The following ABCE1 variants were observed in gnomAD, a reference collection of about 807,000 sequenced individuals.
ABCE1 encodes the protein ATP binding cassette subfamily E member 1, also known as ATP-binding cassette sub-family E member 1.
In ABCE1, 22 loss-of-function variants were observed where a neutral mutation model predicts 83.4. The ratio of observed to expected loss-of-function variants is 0.26; its 90% CI spans 0.19 to 0.38. ABCE1 has a LOEUF of 0.38. Among genes scored for constraint, ABCE1 ranks in the 10% least tolerant of loss-of-function variants. ABCE1 has a pLI of 1.00. For synonymous variants in ABCE1, 204 were observed against 233.7 expected (o/e 0.87, Z 1.16); for missense variants, 330 against 721.9 (o/e 0.46, Z 6.22).
chr4:145,110,215 T>A lies in ABCE1; in HGVS notation c.518T>A (p.Val173Glu), dbSNP rs1749429029. The A allele has an allele frequency of 6.2e-7, 1 of 1,603,692 alleles. No individual in the cohort carries two copies. Among genetic ancestry groups the A allele is most frequent in the Non-Finnish European group, 8.5e-7 (1 of 1,177,392 alleles). The change falls in exon 6 of 18, where the codon GTA becomes GAA. Residue 173 changes from valine (V) to glutamate (E), a missense_variant. Transcript: ENST00000296577. ...DLKAIIKPQY[V>E]DQIPKAAKGT... is the part of the protein sequence containing the mutation. ...AAAGCCATCATCAAACCTCAATATG[T>A]AGACCAGATTCCTAAGGCTGCAAAG...
At chr4:145,117,564 A>G in intron 10 of ABCE1, 150 bp downstream of exon 10, 1 of 611,406 alleles carries the variant, frequency 1.6e-6, no homozygotes, top group African/African-American at 1.9e-5. Flanking sequence ...ATATAAGGTT[A>G]TATATATCAG....
chr4:145,124,997 A>T lies in ABCE1; in HGVS notation c.1648A>T (p.Thr550Ser). ...SKNTVANSPQTLLAGMNKFLS... is the reference protein window; with the variant it reads ...SKNTVANSPQSLLAGMNKFLS... Reference sequence around the variant, plus strand: ...TTTTTTTTTTTCTCTTAGTCCTCAAACCCTTTTGGCTGGCATGAATAAATT... The same window carrying T: ...TTTTTTTTTTTCTCTTAGTCCTCAATCCCTTTTGGCTGGCATGAATAAATT... The change falls in exon 17 of 18, where the codon ACC (threonine) becomes TCC (serine). Residue 550 changes from threonine (T) to serine (S), a missense_variant. Physicochemically the swap from Thr to Ser is moderately conservative, Grantham distance 58 (BLOSUM62 1). Transcript: ENST00000296577. The T allele has an allele frequency of 3.7e-6, 6 of 1,610,916 alleles. No homozygotes were observed. The highest frequency in any genetic ancestry group is 5.1e-6 in the Non-Finnish European group (6 of 1,178,144).
intron 13 of ABCE1, chr4:145,122,249 A>G (rs1413931910): frequency 2.0e-5 from 3 of 152,224 alleles, no homozygotes; most frequent in Non-Finnish European, 2.9e-5. Flanking sequence ...AGCTTACCAT[A>G]AAAGTTTTGT....
intron 17 of ABCE1, among the ~76,000 whole-genome samples, chr4:145,125,341 A>G (rs1749851409): frequency 6.6e-6 from 1 of 152,072 alleles, no homozygotes; most frequent in Admixed American, 6.6e-5. Context: ...GGTGGCAGGT[A>G]TCTGTAATCC....
At position 145,112,328 on chromosome 4, in the gene ABCE1, G is replaced by A. The variant is rs746465950; in HGVS notation, c.800G>A (p.Arg267Lys). 1.3e-6 allele frequency: 2 copies of A among 1,556,608 alleles called. No homozygotes were observed. Among genetic ancestry groups the A allele is most frequent in the South Asian group, 2.4e-5 (2 of 83,788 alleles). Residue 267 changes from arginine to lysine, a missense_variant and splice_region_variant, in exon 9 of 18, where the codon AGA becomes AAA. Coordinates refer to ENST00000296577, the MANE Select transcript of ABCE1 (RefSeq NM_002940.3). ...ATACGATCTCTAATAAATCCAGATA[G>A]GTAAGTAGAGATCTGGCATATTACT... ...ITIRSLINPD[R>K]YIIVVEHDLS... is the part of the protein sequence containing the mutation.
At chr4:145,111,861 C>G (rs185105228) in intron 8 of ABCE1, among the ~76,000 whole-genome samples, 3 of 152,284 alleles carry the variant, frequency 2.0e-5, no homozygotes, top group African/African-American at 7.2e-5. Flanking sequence ...CTCTTCTCCA[C>G]AAAGTATTCT....
At chr4:145,102,091 G>A (rs771677401) in intron 1 of ABCE1, among the ~76,000 whole-genome samples, 6 of 152,112 alleles carry the variant, frequency 3.9e-5, no homozygotes, top group Non-Finnish European at 5.9e-5. Context: ...CTAAAACCAA[G>A]TTAAGAAAGG....
chr4:145,119,606 C>T (rs929392894), intron 10 of ABCE1, among the ~76,000 whole-genome samples: 1 of 151,840 alleles, frequency 6.6e-6, no homozygotes, highest in Admixed American at 6.6e-5. Context: ...TGAAAATACT[C>T]TTACATATTT....
In ABCE1 at chr4:145,121,362, A is replaced by G. The variant is rs781712504; in HGVS notation, c.1234A>G (p.Lys412Glu). The change falls in exon 13 of 18, where the codon AAG (lysine) becomes GAG (glutamate). Residue 412 changes from lysine to glutamate, a missense_variant. Transcript: ENST00000296577. ...GEVPVLNVSY[K>E]PQKISPKSTG... ...AGTACCAGTTCTAAATGTCAGTTAT[A>G]AGCCACAGAAAATTAGTCCCAAATC... 6.2e-7 allele frequency: 1 copy of G among 1,613,106 alleles called. No individual in the cohort carries two copies. Among genetic ancestry groups the G allele is most frequent in the African/African-American group, 1.3e-5 (1 of 75,006 alleles).
At chr4:145,121,309 CTT>C in intron 12 of ABCE1, 22 bp from the exon 13 acceptor site, 2 of 1,612,322 alleles carry the variant, frequency 1.2e-6, no homozygotes, top group Non-Finnish European at 1.7e-6. Context: ...TTTTTAGTGT[CTT>C]ATGTATTTCA....
chr4:145,122,784 G>A (rs193150005), intron 13 of ABCE1: 1 of 341,562 alleles, frequency 2.9e-6, no homozygotes, highest in African/African-American at 2.1e-5. Flanking sequence ...GCACACCTGG[G>A]CAATGGAGCA....
rs35556041 is a variant in ABCE1, at chr4:145,119,063, A to G, written c.923-869A>G. 3.5e-3 allele frequency among the ~76,000 whole-genome samples: 525 copies of G among 152,020 alleles called. 1 individual carries two copies. The highest frequency in any genetic ancestry group is 6.8e-3 in the Middle Eastern group (2 of 294). On this transcript the variant is annotated intron_variant, in intron 10 of 17. Coordinates refer to ENST00000296577, the MANE Select transcript of ABCE1 (RefSeq NM_002940.3). ...TTTAGATAGTTTAAGATCAAAAAACATGCTGATTTTGGCAAAATAAATGTA... is the reference window on the plus strand; with the variant it reads ...TTTAGATAGTTTAAGATCAAAAAACGTGCTGATTTTGGCAAAATAAATGTA...
At chr4:145,108,923 G>C (rs1749385822) in intron 4 of ABCE1, among the ~76,000 whole-genome samples, 1 of 152,188 alleles carries the variant, frequency 6.6e-6, no homozygotes, top group Non-Finnish European at 1.5e-5. Flanking sequence ...ACAATTAACA[G>C]TGTAAGTTAA....
At position 145,112,303 on chromosome 4, in the gene ABCE1, A is replaced by G. The variant is rs1275256000; in HGVS notation, c.775A>G (p.Ile259Val). The change falls in exon 9 of 18, where the codon ATA becomes GTA. Residue 259 changes from isoleucine to valine, a missense_variant. Transcript: ENST00000296577. ...GCAGCGTTTAAAGGCTGCTATTACTATACGATCTCTAATAAATCCAGATAG... is the reference window on the plus strand; with the variant it reads ...GCAGCGTTTAAAGGCTGCTATTACTGTACGATCTCTAATAAATCCAGATAG... Reference protein sequence around the residue: ...VKQRLKAAITIRSLINPDRYI... With the variant: ...VKQRLKAAITVRSLINPDRYI... 3 of 1,595,882 alleles carry G rather than the reference A, an allele frequency of 1.9e-6. No individual in the cohort carries two copies. The highest frequency in any genetic ancestry group is 1.1e-5 in the South Asian group (1 of 87,744).
chr4:145,111,532 T>C (rs1024784339), intron 8 of ABCE1, among the ~76,000 whole-genome samples: 1 of 152,152 alleles, frequency 6.6e-6, no homozygotes, highest in Non-Finnish European at 1.5e-5. Context: ...TTCACCATGT[T>C]AGCCAGGTTG....
In ABCE1 at chr4:145,104,409, A is replaced by G. The variant is rs1749242669; in HGVS notation, c.-4A>G. 1.3e-6 allele frequency: 2 copies of G among 1,588,658 alleles called. No individual in the cohort carries two copies. Among genetic ancestry groups the G allele is most frequent in the African/African-American group, 1.4e-5 (1 of 73,824 alleles). ...AGAAGAGCTGGATATTCTTTCGCCC[A>G]GTTATGGCAGACAAGTTAACGAGAA... On this transcript the variant is annotated 5_prime_UTR_variant, in exon 2 of 18. Coordinates refer to ENST00000296577, the MANE Select transcript of ABCE1 (RefSeq NM_002940.3).
intron 10 of ABCE1, 35 bp from the exon 11 acceptor site, chr4:145,119,897 T>G (rs755724966): frequency 6.5e-7 from 1 of 1,537,036 alleles, no homozygotes. Context: ...TTGGCTCTAA[T>G]GATTTCTCCC....
At position 145,108,004 on chromosome 4, in the gene ABCE1, T is replaced by G; in HGVS notation, c.190-11T>G. 2 of 1,602,222 alleles carry G rather than the reference T, an allele frequency of 1.2e-6. No homozygotes were observed. The highest frequency in any genetic ancestry group is 1.7e-6 in the Non-Finnish European group (2 of 1,175,498). On this transcript the variant is annotated splice_polypyrimidine_tract_variant and intron_variant, in intron 3 of 17. Transcript: ENST00000296577. ...TTAATACAAAAATTAATTCTTTACT[T>G]TAAATAACAGAAATGCCCCTTTGGC...
intron 10 of ABCE1, among the ~76,000 whole-genome samples, chr4:145,118,790 A>G (rs1486591271): frequency 6.6e-6 from 1 of 151,884 alleles, no homozygotes; most frequent in Non-Finnish European, 1.5e-5. Context: ...CAGCATACTT[A>G]AAAGCTTTCT....
Sources: gnomAD v4.1 joint callset for allele counts (sites outside exome capture counted in the v4.1 genomes callset) on GRCh38, gnomAD v4.1.1 for gene constraint, MANE v1.5 for transcripts, NCBI Gene and HGNC (gene_info 2026-07-23, HGNC 2026-07-21) for gene names.